NRG3: variants seen among roughly 807,000 people sequenced by gnomAD.
NRG3 encodes pro-neuregulin-3, membrane-bound isoform.
NRG3 carries 31 observed loss-of-function variants against 66.9 expected under a neutral mutation model. The ratio of observed to expected loss-of-function variants is 0.46; its 90% CI spans 0.35 to 0.63. The LOEUF (loss-of-function observed/expected upper bound fraction) is 0.63. Ranked by LOEUF, NRG3 falls within the 20% of genes least tolerant of loss-of-function variation. The pLI is 0.00. For synonymous variants in NRG3, 393 were observed against 359.4 expected, an observed-to-expected ratio of 1.09 and a Z score of -1.06; for missense variants, 910 against 878.9, an observed-to-expected ratio of 1.04 and a Z score of -0.45.
intron 1 of NRG3, among the ~76,000 whole-genome samples, chr10:81,924,941 A>T (rs1846626607): frequency 6.6e-6 from 1 of 152,168 alleles, no homozygotes. Flanking sequence ...AAAGAGAAAA[A>T]AAAGGCCTAA....
chr10:81,904,825 A>G (rs1386410803), intron 1 of NRG3, among the ~76,000 whole-genome samples: 2 of 152,262 alleles, frequency 1.3e-5, no homozygotes, highest in East Asian at 1.9e-4. Context: ...ATCTCCTCTC[A>G]GCCCATGTTT....
At chr10:82,639,666 T>C (rs1484826094) in intron 2 of NRG3, among the ~76,000 whole-genome samples, 1 of 152,246 alleles carries the variant, frequency 6.6e-6, no homozygotes, top group Non-Finnish European at 1.5e-5. Flanking sequence ...CCAGAGAAGC[T>C]ATGCTCTTGT....
At position 82,907,553 on chromosome 10, in the gene NRG3, C is replaced by A. The variant is rs566274215; in HGVS notation, c.1054+42116C>A. On this transcript the variant is annotated intron_variant, in intron 4 of 8. Transcript: ENST00000372141. ...AATAAAAGGGATATTAATTTATCAT[C>A]AATTATTTAAATGGACTGTTTCTTA... is the stretch of plus-strand genomic sequence containing the variant. 5.9e-5 allele frequency among the ~76,000 whole-genome samples: 9 copies of A among 152,220 alleles called. No individual in the cohort carries two copies. The South Asian group carries it at 1.9e-3, about 32-fold the overall frequency.
chr10:81,962,416 G>A (rs1850449912), intron 1 of NRG3, among the ~76,000 whole-genome samples: 1 of 152,128 alleles, frequency 6.6e-6, no homozygotes, highest in Admixed American at 6.5e-5. Context: ...TATTATGTAT[G>A]ATAGTAATGT....
intron 2 of NRG3, among the ~76,000 whole-genome samples, chr10:82,419,982 A>G (rs975548825): frequency 1.3e-5 from 2 of 152,214 alleles, no homozygotes; most frequent in Admixed American, 6.5e-5. Flanking sequence ...GGTGTGATCC[A>G]GAAACTCAAG....
chr10:82,389,233 TC>T (rs1369821381), intron 2 of NRG3, among the ~76,000 whole-genome samples: 1 of 152,178 alleles, frequency 6.6e-6, no homozygotes, highest in African/African-American at 2.4e-5. Context: ...AGAATTCAAC[TC>T]GCAAATTTCT....
chr10:82,608,469 C>G (rs2048105390), intron 2 of NRG3, among the ~76,000 whole-genome samples: 1 of 152,048 alleles, frequency 6.6e-6, no homozygotes, highest in African/African-American at 2.4e-5. Context: ...TCTATTAATA[C>G]TTCTGGAAAA....
chr10:82,918,498 A>C (rs1447707502), intron 4 of NRG3, among the ~76,000 whole-genome samples: 1 of 152,214 alleles, frequency 6.6e-6, no homozygotes, highest in Non-Finnish European at 1.5e-5. Context: ...TGCTTGGGAA[A>C]GTAAGTTATC....
chr10:82,766,583 C>T (rs1221909526), intron 3 of NRG3, among the ~76,000 whole-genome samples: 1 of 152,080 alleles, frequency 6.6e-6, no homozygotes, highest in African/African-American at 2.4e-5. Context: ...CATTGTTTCT[C>T]TTATCCTTTC....
At chr10:82,329,518 T>C (rs145165873) in intron 1 of NRG3, among the ~76,000 whole-genome samples, 2 of 151,722 alleles carry the variant, frequency 1.3e-5, no homozygotes, top group East Asian at 1.9e-4. Context: ...TTGGGACAGA[T>C]TGAAATAAGA....
intron 1 of NRG3, among the ~76,000 whole-genome samples, chr10:82,086,787 A>G (rs1217402903): frequency 6.6e-6 from 1 of 152,148 alleles, no homozygotes; most frequent in East Asian, 1.9e-4. Context: ...CCCATCACCA[A>G]CACTGTCAAA....
chr10:81,938,416 T>C (rs751072669), intron 1 of NRG3, among the ~76,000 whole-genome samples: 1 of 151,170 alleles, frequency 6.6e-6, no homozygotes, highest in Admixed American at 6.6e-5. Context: ...AGCAATGTCT[T>C]ATAGCTTTCA....
At chr10:82,865,829 T>A (rs1840668902) in intron 4 of NRG3, among the ~76,000 whole-genome samples, 1 of 152,208 alleles carries the variant, frequency 6.6e-6, no homozygotes, top group South Asian at 2.1e-4. Context: ...AAGCAATGGT[T>A]TTTAAATGTC....
intron 1 of NRG3, among the ~76,000 whole-genome samples, chr10:82,067,814 A>G (rs528877035): frequency 6.6e-5 from 10 of 152,242 alleles, no homozygotes; most frequent in Non-Finnish European, 1.5e-4. Flanking sequence ...CTCTCAAAGC[A>G]ATCTTTGTCA....
intron 3 of NRG3, among the ~76,000 whole-genome samples, chr10:82,781,884 G>A (rs952340124): frequency 6.6e-6 from 1 of 150,776 alleles, no homozygotes; most frequent in African/African-American, 2.4e-5. Context: ...GGTCCATCAG[G>A]ACCAAAAAAA....
intron 1 of NRG3, among the ~76,000 whole-genome samples, chr10:81,904,794 A>T (rs75079590): frequency 0.026 from 3,907 of 152,222 alleles, 191 homozygotes; most frequent in African/African-American, 0.09. Flanking sequence ...CTTTGTAAAG[A>T]ACTGTGATCA....
intron 2 of NRG3, among the ~76,000 whole-genome samples, chr10:82,645,175 C>T (rs1395940258): frequency 6.6e-6 from 1 of 151,972 alleles, no homozygotes; most frequent in African/African-American, 2.4e-5. Flanking sequence ...TTATATGATA[C>T]CAGATACCCT....
intron 4 of NRG3, among the ~76,000 whole-genome samples, chr10:82,895,522 G>A (rs542969367): frequency 5.5e-5 from 7 of 127,640 alleles, no homozygotes; most frequent in South Asian, 2.4e-4. Flanking sequence ...GTCTCGTCTC[G>A]CTCTGTCACC....
intron 1 of NRG3, among the ~76,000 whole-genome samples, chr10:82,099,807 A>C (rs1388825988): frequency 6.6e-6 from 1 of 151,624 alleles, no homozygotes; most frequent in Non-Finnish European, 1.5e-5. Context: ...ACAAAAATGT[A>C]AAACAAAAAC....
Sources: gnomAD v4.1 joint callset for allele counts (sites outside exome capture counted in the v4.1 genomes callset) on GRCh38, gnomAD v4.1.1 for gene constraint, MANE v1.5 for transcripts, NCBI Gene and HGNC (gene_info 2026-07-23, HGNC 2026-07-21) for gene names.